The following CD8B2 variants were observed in gnomAD, a reference collection of about 807,000 sequenced individuals.
CD8B2 encodes the protein T-cell surface glycoprotein CD8 beta-2 chain.
In CD8B2, 11 loss-of-function variants were observed where a neutral mutation model predicts 23.7. That is an observed-to-expected ratio of 0.46 (90% CI 0.29 to 0.77). The LOEUF is 0.77. CD8B2 is among the 30% of genes least tolerant of loss of function. The pLI is 0.09. For missense variants in CD8B2, 197 were observed against 270.5 expected, an observed-to-expected ratio of 0.73 and a Z score of 1.91; for synonymous variants, 90 against 109.3, an observed-to-expected ratio of 0.82 and a Z score of 1.10.
At position 106,536,030 on chromosome 2, in the gene CD8B2, CTTT is replaced by C. The variant is rs869103310; in HGVS notation, c.621-7943_621-7941del. Among the ~76,000 whole-genome samples, 8 of 123,880 alleles carry C rather than the reference CTTT, an allele frequency of 6.5e-5. No individual in the cohort carries two copies. The East Asian group carries it at 7.2e-4, about 11-fold the overall frequency. The allele number at this position is 123,880 out of a possible 152,430, so 81.3% of individuals were successfully genotyped here. The stretch of plus-strand genomic sequence containing the variant: ...AGAGAAGAGGCAGGTGCCACACACA[CTTT>C]TTTTTTTTTTTTTTTTTTGAGACAG... On this transcript the variant is annotated intron_variant, in intron 5 of 5. Transcript: ENST00000416057.
intron 3 of CD8B2, among the ~76,000 whole-genome samples, chr2:106,499,669 G>A (rs1187826981): frequency 3.9e-5 from 6 of 152,020 alleles, no homozygotes; most frequent in African/African-American, 1.5e-4. Flanking sequence ...AGTTTCAGAA[G>A]GTTTCCATCA....
intron 2 of CD8B2, among the ~76,000 whole-genome samples, chr2:106,493,510 G>T (rs372346551): frequency 6.7e-6 from 1 of 150,186 alleles, no homozygotes; most frequent in South Asian, 2.1e-4. Flanking sequence ...TCTGAAAGAC[G>T]TCCCTGCTTC....
At chr2:106,536,261 A>G (rs1436995777) in intron 5 of CD8B2, among the ~76,000 whole-genome samples, 1 of 152,012 alleles carries the variant, frequency 6.6e-6, no homozygotes, top group Non-Finnish European at 1.5e-5. Context: ...CGAACTCCTG[A>G]CTTCAGGTGA....
intron 5 of CD8B2, among the ~76,000 whole-genome samples, chr2:106,542,556 T>C (rs1361380412): frequency 1.3e-5 from 2 of 151,164 alleles, no homozygotes; most frequent in Non-Finnish European, 2.9e-5. Context: ...TACATGCCTA[T>C]TAAAGACAAC....
chr2:106,499,430 G>C (rs947464475), intron 3 of CD8B2, among the ~76,000 whole-genome samples: 5 of 151,672 alleles, frequency 3.3e-5, no homozygotes, highest in African/African-American at 9.7e-5. Context: ...GACTTAGGAG[G>C]CTGAGGCAGG....
At chr2:106,530,982 A>G (rs1441689284) in intron 5 of CD8B2, among the ~76,000 whole-genome samples, 1 of 152,222 alleles carries the variant, frequency 6.6e-6, no homozygotes, top group South Asian at 2.1e-4. Flanking sequence ...AGAAATAACT[A>G]TAAAAATAGG....
chr2:106,505,626 C>T (rs1679489304), intron 5 of CD8B2, among the ~76,000 whole-genome samples: 1 of 152,152 alleles, frequency 6.6e-6, no homozygotes, highest in African/African-American at 2.4e-5. Flanking sequence ...TGTAAATAGC[C>T]ATATAAATTC....
intron 2 of CD8B2, among the ~76,000 whole-genome samples, chr2:106,492,167 G>A (rs1228922066): frequency 6.6e-6 from 1 of 151,708 alleles, no homozygotes; most frequent in Non-Finnish European, 1.5e-5. Context: ...TCTCCCCTGG[G>A]CCTCAGTGTT....
chr2:106,527,363 G>C (rs1028579203), intron 5 of CD8B2, among the ~76,000 whole-genome samples: 1 of 152,226 alleles, frequency 6.6e-6, no homozygotes, highest in Non-Finnish European at 1.5e-5. Flanking sequence ...CTCAGGCTCA[G>C]AACTTCTGTT....
chr2:106,526,800 C>T (rs1339568871), intron 5 of CD8B2, among the ~76,000 whole-genome samples: 1 of 152,124 alleles, frequency 6.6e-6, no homozygotes. Flanking sequence ...CAGGCATGTG[C>T]CACCATACCC....
At chr2:106,537,905 C>A (rs1252563719) in intron 5 of CD8B2, 1 of 152,166 alleles carries the variant, frequency 6.6e-6, no homozygotes, top group Non-Finnish European at 1.5e-5. Context: ...GCTTCAGGCA[C>A]CTCGCTTTGG....
At chr2:106,540,769 T>C (rs1320980852) in intron 5 of CD8B2, among the ~76,000 whole-genome samples, 1 of 152,128 alleles carries the variant, frequency 6.6e-6, no homozygotes, top group Non-Finnish European at 1.5e-5. Flanking sequence ...TTCACCATCT[T>C]GGCCAGGCTG....
At chr2:106,488,454 G>A (rs1227172400) in intron 1 of CD8B2, among the ~76,000 whole-genome samples, 3 of 151,980 alleles carry the variant, frequency 2.0e-5, no homozygotes, top group Non-Finnish European at 4.4e-5. Context: ...GGGAAGAGCC[G>A]GGGTGTGTCT....
chr2:106,517,894 T>G (rs1203952316), intron 5 of CD8B2, among the ~76,000 whole-genome samples: 1 of 152,090 alleles, frequency 6.6e-6, no homozygotes, highest in Non-Finnish European at 1.5e-5. Context: ...TTTTGTAATT[T>G]TAGTAGAGAC....
At chr2:106,511,448 C>T (rs1454810236), downstream of CD8B2, among the ~76,000 whole-genome samples, 1 of 147,230 alleles carries the variant, frequency 6.8e-6, no homozygotes, top group Non-Finnish European at 1.5e-5. Context: ...TCTCCCCTCC[C>T]CCCGCCCCCT....
At chr2:106,513,399 C>A (rs1303206119), downstream of CD8B2, among the ~76,000 whole-genome samples, 1 of 152,024 alleles carries the variant, frequency 6.6e-6, no homozygotes, top group Non-Finnish European at 1.5e-5. Flanking sequence ...TCGTGCCAGC[C>A]CCGGACAGAC....
At chr2:106,501,460 T>C (rs1679402819) in intron 3 of CD8B2, among the ~76,000 whole-genome samples, 1 of 152,088 alleles carries the variant, frequency 6.6e-6, no homozygotes, top group Non-Finnish European at 1.5e-5. Context: ...GGCGGGTGGA[T>C]CACTTGAGGC....
At position 106,507,420 on chromosome 2, in the gene CD8B2, G is replaced by C. The variant is rs1321905636; in HGVS notation, c.*480G>C. The C allele has an allele frequency of 1.1e-5, 11 of 985,984 alleles. No individual in the cohort carries two copies. Among genetic ancestry groups the C allele is most frequent in the Non-Finnish European group, 1.3e-5 (11 of 830,348 alleles). 61.1% of individuals were successfully genotyped at this position (985,984 alleles called of 1,614,324 possible). On this transcript the variant is annotated 3_prime_UTR_variant, in exon 6 of 6. Coordinates refer to ENST00000643224, the MANE Select transcript of CD8B2 (RefSeq NM_001349727.2). ...GAGAGGCCAGGTGCAGGTTGGGAATGAGGCTTGCTGAGAGGGGCTGTCCAG... is the reference window on the plus strand; with the variant it reads ...GAGAGGCCAGGTGCAGGTTGGGAATCAGGCTTGCTGAGAGGGGCTGTCCAG...
chr2:106,513,073 C>T (rs1679667931), downstream of CD8B2, among the ~76,000 whole-genome samples: 1 of 152,066 alleles, frequency 6.6e-6, no homozygotes, highest in South Asian at 2.1e-4. Context: ...ACAGCCCTCC[C>T]TCTCCACTGC....
Sources: allele counts gnomAD v4.1 joint callset (sites outside exome capture counted in the v4.1 genomes callset), GRCh38; gene constraint gnomAD v4.1.1; transcripts MANE v1.5; gene names NCBI Gene and HGNC (gene_info 2026-07-23, HGNC 2026-07-21).